MGAM: variants seen among roughly 807,000 people sequenced by gnomAD.
The protein encoded by MGAM is maltase-glucoamylase.
A neutral mutation model predicts 358.8 loss-of-function variants in MGAM; 253 were observed. That is an observed-to-expected ratio of 0.71 (90% confidence interval 0.64 to 0.78). MGAM has a LOEUF of 0.78. MGAM is among the 30% of genes least tolerant of loss of function. MGAM has a pLI of 0.00. For synonymous variants in MGAM, 1,105 were observed against 1,227.1 expected, an observed-to-expected ratio of 0.90 and a Z score of 2.08; for missense variants, 3,080 against 3,432.6, an observed-to-expected ratio of 0.90 and a Z score of 2.57.
At chr7:142,048,716 T>C (rs866341230) in intron 22 of MGAM, among the ~76,000 whole-genome samples, 3 of 152,128 alleles carry the variant, frequency 2.0e-5, no homozygotes, top group South Asian at 2.1e-4. Context: ...AACTTTGCAA[T>C]GTTCCAGTAG....
Position 142,008,579 on chromosome 7 carries a change from C to T in MGAM, c.201C>T (p.Thr67=), listed in dbSNP as rs781996087. ...CCCCAGATCCTGGAACAACTGGTACCACACATGCTAGGACAACGGGTCCCC... is the reference window on the plus strand; with the variant it reads ...CCCCAGATCCTGGAACAACTGGTACTACACATGCTAGGACAACGGGTCCCC... The part of the protein sequence containing the change: ...TGTPDPGTTG[T]THARTTGPPD... The change falls in exon 3 of 71, where the codon ACC becomes ACT. Residue 67 remains threonine (T), a synonymous_variant. Coordinates refer to ENST00000475668, the MANE Select transcript of MGAM (RefSeq NM_001365693.1). 4 of 1,613,020 alleles carry T rather than the reference C, an allele frequency of 2.5e-6. No homozygotes were observed. The highest frequency in any genetic ancestry group is 1.7e-5 in the Admixed American group (1 of 59,874).
At chr7:142,062,452 C>T (rs1812306448) in intron 34 of MGAM, 116 bp from the exon 35 acceptor site, 2 of 1,346,796 alleles carry the variant, frequency 1.5e-6, no homozygotes, top group African/African-American at 1.5e-5. Flanking sequence ...AGGCCCTGTT[C>T]AGGCTGTCTG....
chr7:142,093,428 CA>C lies in MGAM; in HGVS notation c.7051del (p.Arg2351GlyfsTer3). On this transcript the variant is annotated frameshift_variant, in exon 60 of 71. Coordinates refer to ENST00000475668, the MANE Select transcript of MGAM (RefSeq NM_001365693.1). LOFTEE classifies it high-confidence loss of function. ...PYMPYLESRD[R>X]GLSSKTLCME... The stretch of plus-strand genomic sequence containing the variant: ...CCTCCTCAGATTTGGAGTCCAGGGA[CA>C]GGGGCCTGAGCAGCAAGACCCTGTG... 1.9e-6 allele frequency: 3 copies of C among 1,538,526 alleles called. 1 individual carries two copies. The highest frequency in any genetic ancestry group is 2.7e-6 in the Non-Finnish European group (3 of 1,123,594).
rs149272909 is a variant in MGAM, at chr7:142,076,053, A to T, written c.5276-150A>T. 72 of 659,270 alleles carry T rather than the reference A, an allele frequency of 1.1e-4. 1 individual carries two copies. In the African/African-American group the frequency reaches 1.2e-3, roughly 11 times the overall value. 40.8% of individuals were successfully genotyped at this position (659,270 alleles called of 1,614,324 possible). On this transcript the variant is annotated intron_variant, in intron 45 of 70. Coordinates refer to ENST00000475668, the MANE Select transcript of MGAM (RefSeq NM_001365693.1). Reference sequence around the variant, plus strand: ...GAAACATTCTAAGTATACATTGATGAATGAATACAATGGAATATTATTCAT... The same window carrying T: ...GAAACATTCTAAGTATACATTGATGTATGAATACAATGGAATATTATTCAT...
chr7:142,029,743 G>A (rs1449950629), intron 10 of MGAM, among the ~76,000 whole-genome samples: 1 of 152,236 alleles, frequency 6.6e-6, no homozygotes. Flanking sequence ...ACTATTGGGA[G>A]TGAAATTTAA....
rs1299082768 is a variant in MGAM at position 142,086,078 on chromosome 7, T to C, written c.6636+117T>C. On this transcript the variant is annotated intron_variant, in intron 55 of 70. Transcript: ENST00000475668. ...AGATAAATTGAAGTGTAGTAAGAAATGTGTATTTCCCTGGACTCACAGAAA... is the reference window on the plus strand; with the variant it reads ...AGATAAATTGAAGTGTAGTAAGAAACGTGTATTTCCCTGGACTCACAGAAA... 1.6e-5 allele frequency: 24 copies of C among 1,469,940 alleles called. 4 individuals carry two copies. The East Asian group carries it at 4.9e-4, about 30-fold the overall frequency. 91.1% of individuals were successfully genotyped at this position (1,469,940 alleles called of 1,614,324 possible).
chr7:142,002,763 A>G (rs549537893), intron 1 of MGAM, among the ~76,000 whole-genome samples: 1 of 152,182 alleles, frequency 6.6e-6, no homozygotes, highest in African/African-American at 2.4e-5. Flanking sequence ...AATAACAGGC[A>G]TCCAAACTGG....
chr7:142,037,042 AATATCAG>A, intron 18 of MGAM, 65 bp downstream of exon 18: 1 of 1,492,812 alleles, frequency 6.7e-7, no homozygotes, highest in South Asian at 1.2e-5. Flanking sequence ...TATATCATCA[AATATCAG>A]AGTGAAAACT....
In MGAM at chr7:142,051,416, G is replaced by T. The variant is rs192231692; in HGVS notation, c.2805+552G>T. On this transcript the variant is annotated intron_variant, in intron 24 of 70. Transcript: ENST00000475668. ...AGGGAAGTACAAGATGGTTTAGATT[G>T]GGAGGAGACTAGGAGAAGGATGATA... Among the ~76,000 whole-genome samples, 1,230 of 152,178 alleles carry T rather than the reference G, an allele frequency of 8.1e-3. 23 individuals carry two copies. Among genetic ancestry groups the T allele is most frequent in the East Asian group, 0.041 (212 of 5,160 alleles).
chr7:141,994,911 T>C (rs115390342), upstream of MGAM, among the ~76,000 whole-genome samples: 4,957 of 152,258 alleles, frequency 0.033, 292 homozygotes, highest in African/African-American at 0.11. Context: ...AATTACCCAG[T>C]CTCAGGCATG....
chr7:142,010,464 C>A (rs1805517155), intron 3 of MGAM, among the ~76,000 whole-genome samples: 1 of 151,992 alleles, frequency 6.6e-6, no homozygotes, highest in South Asian at 2.1e-4. Context: ...TCCCTTCTAT[C>A]CCTTTGGCCA....
intron 21 of MGAM, among the ~76,000 whole-genome samples, chr7:142,045,185 A>T (rs530427369): frequency 1.4e-5 from 1 of 70,144 alleles, no homozygotes; most frequent in African/African-American, 7.5e-5. Flanking sequence ...TATAACATAT[A>T]TGATATATAA....
chr7:142,073,174 A>T (rs1438671871), intron 44 of MGAM, among the ~76,000 whole-genome samples: 4 of 145,930 alleles, frequency 2.7e-5, no homozygotes, highest in African/African-American at 7.3e-5. Flanking sequence ...AATGTGCCTA[A>T]TTTTTCCTAT....
intron 21 of MGAM, among the ~76,000 whole-genome samples, chr7:142,043,660 C>A (rs1809418509): frequency 7.6e-6 from 1 of 131,860 alleles, no homozygotes; most frequent in African/African-American, 2.9e-5. Flanking sequence ...ATATATAATA[C>A]ATATATTATA....
rs757079519 is a variant in MGAM at position 142,080,771 on chromosome 7, A to T, written c.5848-20A>T. 1 of 1,540,104 alleles carries T rather than the reference A, an allele frequency of 6.5e-7. No individual in the cohort carries two copies. The highest frequency in any genetic ancestry group is 1.8e-5 in the Admixed American group (1 of 57,042). ...TTCAAGAGTAGTATTCTTGCCTAAA[A>T]TCGTTTTCCTCTGGCCTAGATTTAT... On this transcript the variant is annotated intron_variant, in intron 49 of 70. Transcript: ENST00000475668.
chr7:142,002,471 C>A (rs1402908852), intron 1 of MGAM, among the ~76,000 whole-genome samples: 6 of 151,936 alleles, frequency 3.9e-5, no homozygotes, highest in African/African-American at 1.5e-4. Context: ...AAAACAAAAC[C>A]CATATGATCA....
chr7:142,043,751 A>ATG (rs1491474488), intron 21 of MGAM, among the ~76,000 whole-genome samples: 10 of 80,432 alleles, frequency 1.2e-4, no homozygotes, highest in Admixed American at 1.7e-4. Flanking sequence ...TTATATACAC[A>ATG]TACGACATAT....
chr7:142,071,039 C>T lies in MGAM; in HGVS notation c.5107C>T (p.Pro1703Ser), dbSNP rs767320478. The change falls in exon 44 of 71, where the codon CCT becomes TCT. Residue 1703 changes from proline (P) to serine (S), a missense_variant. By Grantham distance (74) the Pro-to-Ser change is moderately conservative. This residue lies in a region of MGAM where 932 missense variants were observed against 1,198.2 expected (regional missense o/e 0.78). Coordinates refer to ENST00000475668, the MANE Select transcript of MGAM (RefSeq NM_001365693.1). ...ARGEWKTLPAPLDHINLHVRG... is the reference protein window; with the variant it reads ...ARGEWKTLPASLDHINLHVRG... Reference sequence around the variant, plus strand: ...AGGAGAGTGGAAGACCTTGCCAGCCCCTCTTGACCACATTAATCTTCATGT... The same window carrying T: ...AGGAGAGTGGAAGACCTTGCCAGCCTCTCTTGACCACATTAATCTTCATGT... 1.9e-6 allele frequency: 3 copies of T among 1,556,300 alleles called. No homozygotes were observed. The highest frequency in any genetic ancestry group is 1.1e-5 in the South Asian group (1 of 89,184).
chr7:142,021,008 A>G lies in MGAM; in HGVS notation c.483A>G (p.Ser161=), dbSNP rs182508998. ...CCCGGTTGAAAAATCTGCCTTCTTC[A>G]CCAGTGTTTGGAAGCAATGTTGACA... The part of the protein sequence containing the change: ...FTARLKNLPS[S]PVFGSNVDNV... The change falls in exon 5 of 71, where the codon TCA becomes TCG. Residue 161 remains serine, a synonymous_variant. Transcript: ENST00000475668. The G allele has an allele frequency of 1.2e-6, 2 of 1,613,684 alleles. No homozygotes were observed. Among genetic ancestry groups the G allele is most frequent in the East Asian group, 4.5e-5 (2 of 44,850 alleles).
Sources: allele counts gnomAD v4.1 joint callset (sites outside exome capture counted in the v4.1 genomes callset), GRCh38; gene constraint gnomAD v4.1.1; regional missense constraint gnomAD v4.1.1; transcripts MANE v1.5; gene names NCBI Gene and HGNC (gene_info 2026-07-23, HGNC 2026-07-21).